SELP: variants seen among roughly 807,000 people sequenced by gnomAD.
The protein encoded by SELP is P-selectin.
SELP carries 92 observed loss-of-function variants against 104.1 expected under a neutral mutation model. The ratio of observed to expected loss-of-function variants is 0.88; its 90% CI spans 0.75 to 1.05. The LOEUF is 1.05. SELP is among the 50% of genes least tolerant of loss of function. The probability of loss-of-function intolerance (pLI) is 0.00; values close to 1 mark genes in which losing one functional copy is unlikely to be tolerated. For synonymous variants in SELP, 397 were observed against 364.5 expected (o/e 1.09, Z -1.01); for missense variants, 1,022 against 1,017.3 (o/e 1.00, Z -0.06).
intron 2 of SELP, among the ~76,000 whole-genome samples, chr1:169,618,615 C>G (rs1662942515): frequency 6.6e-6 from 1 of 152,154 alleles, no homozygotes; most frequent in Non-Finnish European, 1.5e-5. Flanking sequence ...GAGGGTTAGT[C>G]ATGCTTGTAC....
At chr1:169,604,160 G>C (rs1324719976) in intron 9 of SELP, among the ~76,000 whole-genome samples, 4 of 151,754 alleles carry the variant, frequency 2.6e-5, no homozygotes, top group African/African-American at 9.7e-5. Context: ...GTGTGAGATG[G>C]TATCTCATTG....
rs3917658 is a variant in SELP, at chr1:169,629,292, G to A, written c.3+780C>T. On this transcript the variant is annotated intron_variant, in intron 1 of 16. Coordinates refer to ENST00000263686, the MANE Select transcript of SELP (RefSeq NM_003005.4). ...GAGTTCAAAATGCCTAGCTATCCTT[G>A]GATCTTCCCTGAATCCTAAACCCCA... is the stretch of plus-strand genomic sequence containing the variant. 9.9e-3 allele frequency among the ~76,000 whole-genome samples: 1,513 copies of A among 152,168 alleles called. 20 individuals are homozygous for A. Among genetic ancestry groups the A allele is most frequent in the African/African-American group, 0.034 (1,431 of 41,512 alleles).
intron 16 of SELP, among the ~76,000 whole-genome samples, chr1:169,589,810 CG>C (rs1661264360): frequency 1.3e-5 from 2 of 152,144 alleles, no homozygotes; most frequent in Admixed American, 1.3e-4. Context: ...CATAACAGTT[CG>C]TAAACATTTT....
chr1:169,616,958 T>TC, intron 3 of SELP, 70 bp downstream of exon 3: 1 of 1,426,406 alleles, frequency 7.0e-7, no homozygotes, highest in Non-Finnish European at 9.2e-7. Context: ...TCGGTGGTTA[T>TC]GTTGGCCAAC....
intron 14 of SELP, among the ~76,000 whole-genome samples, chr1:169,592,502 A>T (rs1403959819): frequency 6.6e-6 from 1 of 152,154 alleles, no homozygotes. Context: ...GTTACTTTCT[A>T]TGAGGAGTGA....
chr1:169,594,151 G>T (rs577109743), intron 13 of SELP, among the ~76,000 whole-genome samples: 1 of 152,268 alleles, frequency 6.6e-6, no homozygotes, highest in Non-Finnish European at 1.5e-5. Flanking sequence ...GTAGACATAA[G>T]AAGCCTATAC....
At chr1:169,601,048 G>T (rs1436372078) in intron 10 of SELP, among the ~76,000 whole-genome samples, 1 of 152,154 alleles carries the variant, frequency 6.6e-6, no homozygotes, top group Non-Finnish European at 1.5e-5. Flanking sequence ...CAGCCATGTT[G>T]GTTGCCTACA....
At chr1:169,604,782 G>A (rs911754932) in intron 9 of SELP, among the ~76,000 whole-genome samples, 1 of 152,170 alleles carries the variant, frequency 6.6e-6, no homozygotes, top group African/African-American at 2.4e-5. Flanking sequence ...GGGTGAGGAT[G>A]TTGGTACCAC....
intron 1 of SELP, among the ~76,000 whole-genome samples, chr1:169,628,015 C>T (rs1197176510): frequency 1.3e-5 from 2 of 152,196 alleles, no homozygotes; most frequent in Non-Finnish European, 2.9e-5. Context: ...CCTGCCTCAG[C>T]CTCCTGAGTA....
chr1:169,629,811 A>G (rs560730799), intron 1 of SELP, among the ~76,000 whole-genome samples: 8 of 152,330 alleles, frequency 5.3e-5, no homozygotes, highest in Admixed American at 1.3e-4. Flanking sequence ...CCTAACAGTG[A>G]AGCTTAGATA....
chr1:169,620,365 C>A (rs1663035708), intron 1 of SELP, among the ~76,000 whole-genome samples: 1 of 148,716 alleles, frequency 6.7e-6, no homozygotes, highest in Non-Finnish European at 1.5e-5. Flanking sequence ...CAAGAAAGAG[C>A]TCTTTCCACT....
intron 10 of SELP, among the ~76,000 whole-genome samples, chr1:169,601,715 T>G (rs1661919732): frequency 6.6e-6 from 1 of 152,206 alleles, no homozygotes; most frequent in African/African-American, 2.4e-5. Context: ...GGCCTGGGTT[T>G]GCATCCTGTC....
At position 169,613,014 on chromosome 1, in the gene SELP, G is replaced by T; in HGVS notation, c.690C>A (p.Cys230Ter). The T allele has an allele frequency of 6.2e-7, 1 of 1,613,968 alleles. No individual in the cohort carries two copies. ...GCCCATTTACTTGGTACCCGTCAGTGCAGTGGAAGCTGCACTGCGAGTTAA... is the reference window on the plus strand; with the variant it reads ...GCCCATTTACTTGGTACCCGTCAGTTCAGTGGAAGCTGCACTGCGAGTTAA... ...FSFNSQCSFH[C>*]TDGYQVNGPS... Residue 230 changes from cysteine (C) to a stop codon, truncating the protein, a stop_gained, in exon 5 of 17, where the codon TGC (cysteine) becomes TGA (stop). Transcript: ENST00000263686. LOFTEE classifies it high-confidence loss of function.
At chr1:169,617,538 C>T in intron 2 of SELP, 124 bp from the exon 3 acceptor site, 1 of 965,746 alleles carries the variant, frequency 1.0e-6, no homozygotes, top group Non-Finnish European at 1.6e-6. Flanking sequence ...AAAACAACGA[C>T]TAGTTTATGT....
chr1:169,605,801 C>A (rs1662161496), intron 9 of SELP, among the ~76,000 whole-genome samples: 1 of 152,024 alleles, frequency 6.6e-6, no homozygotes, highest in Admixed American at 6.6e-5. Context: ...TTCTTCATTT[C>A]TTTATTATAT....
intron 12 of SELP, 112 bp from the exon 13 acceptor site, chr1:169,594,989 C>A: frequency 1.1e-6 from 1 of 932,858 alleles, no homozygotes; most frequent in South Asian, 1.8e-5. Context: ...TGTAAAAGGT[C>A]AGAAAGGATA....
At chr1:169,603,005 A>T in intron 10 of SELP, 21 bp downstream of exon 10, 1 of 1,591,852 alleles carries the variant, frequency 6.3e-7, no homozygotes, top group Non-Finnish European at 8.6e-7. Context: ...AGCCATAAGA[A>T]AGGACAGACC....
At chr1:169,608,877 C>T (rs535163511) in intron 8 of SELP, among the ~76,000 whole-genome samples, 2 of 152,218 alleles carry the variant, frequency 1.3e-5, no homozygotes, top group South Asian at 4.2e-4. Flanking sequence ...TTGTGAACCA[C>T]CACACCCGCC....
intron 3 of SELP, 32 bp downstream of exon 3, chr1:169,616,996 A>G (rs759294210): frequency 6.6e-7 from 1 of 1,516,130 alleles, no homozygotes; most frequent in East Asian, 2.3e-5. Context: ...TTTTTTTTTA[A>G]CAGGAAAGTT....
Sources: gnomAD v4.1 joint callset for allele counts (sites outside exome capture counted in the v4.1 genomes callset) on GRCh38, gnomAD v4.1.1 for gene constraint, MANE v1.5 for transcripts, NCBI Gene and HGNC (gene_info 2026-07-23, HGNC 2026-07-21) for gene names.